The following CNTN5 variants were observed in gnomAD, a reference collection of about 807,000 sequenced individuals.
CNTN5 encodes contactin-5.
A neutral mutation model predicts 129.1 loss-of-function variants in CNTN5; 77 were observed. That is an observed-to-expected ratio of 0.60 (90% confidence interval 0.50 to 0.72). CNTN5 has a LOEUF of 0.72. CNTN5 is among the 30% of genes least tolerant of loss of function. The probability of loss-of-function intolerance (pLI) is 0.00; values close to 1 mark genes in which losing one functional copy is unlikely to be tolerated. For missense variants in CNTN5, 1,478 were observed against 1,328.8 expected, an observed-to-expected ratio of 1.11 and a Z score of -1.75; for synonymous variants, 509 against 465.6, an observed-to-expected ratio of 1.09 and a Z score of -1.20.
rs565568358 is a variant in CNTN5, at chr11:99,054,810, G to A, written c.-210+33540G>A. On this transcript the variant is annotated intron_variant, in intron 1 of 24. Coordinates refer to ENST00000524871, the MANE Select transcript of CNTN5 (RefSeq NM_014361.4). Reference sequence around the variant, plus strand: ...AGGCACCTTAAATCATTGATAAGTCGACTTGAATAATATGTTTTTCTAAAA... The same window carrying A: ...AGGCACCTTAAATCATTGATAAGTCAACTTGAATAATATGTTTTTCTAAAA... 5.9e-5 allele frequency among the ~76,000 whole-genome samples: 9 copies of A among 151,890 alleles called. No homozygotes were observed. In the South Asian group the frequency reaches 6.2e-4, roughly 10 times the overall value.
At chr11:99,372,565 C>T (rs2136135851) in intron 2 of CNTN5, among the ~76,000 whole-genome samples, 1 of 152,158 alleles carries the variant, frequency 6.6e-6, no homozygotes, top group Non-Finnish European at 1.5e-5. Context: ...TGTGTGAAAA[C>T]TCACCAGTGA....
In CNTN5 at chr11:100,196,482, T is replaced by C. The variant is rs541455950; in HGVS notation, c.1884+2819T>C. Among the ~76,000 whole-genome samples, 61 of 152,144 alleles carry C rather than the reference T, an allele frequency of 4.0e-4. No individual in the cohort carries two copies. In the Middle Eastern group the frequency reaches 0.02, roughly 51 times the overall value. On this transcript the variant is annotated intron_variant, in intron 15 of 24. Coordinates refer to ENST00000524871, the MANE Select transcript of CNTN5 (RefSeq NM_014361.4). The stretch of plus-strand genomic sequence containing the variant: ...CTTCATATACAATCTATATACAATG[T>C]ACATTGTATACATCCACATCTATAT...
chr11:99,336,293 T>A (rs1425688651), intron 2 of CNTN5, among the ~76,000 whole-genome samples: 1 of 152,170 alleles, frequency 6.6e-6, no homozygotes, highest in Non-Finnish European at 1.5e-5. Flanking sequence ...GGGTATAATT[T>A]GTGCACTCTG....
chr11:99,233,576 G>C (rs1861112063), intron 1 of CNTN5, among the ~76,000 whole-genome samples: 1 of 152,154 alleles, frequency 6.6e-6, no homozygotes, highest in Non-Finnish European at 1.5e-5. Context: ...ACAAAATATT[G>C]AGTTGGGTCA....
intron 1 of CNTN5, among the ~76,000 whole-genome samples, chr11:99,237,498 T>C (rs1362403261): frequency 6.6e-6 from 1 of 152,084 alleles, no homozygotes; most frequent in Non-Finnish European, 1.5e-5. Flanking sequence ...CCGGCCAACA[T>C]AGTGGAACCC....
intron 2 of CNTN5, among the ~76,000 whole-genome samples, chr11:99,451,570 T>C (rs1944302232): frequency 6.6e-6 from 1 of 152,262 alleles, no homozygotes; most frequent in South Asian, 2.1e-4. Flanking sequence ...TTCTTACTGA[T>C]AGTGGAAATT....
chr11:100,083,476 A>G (rs902207751), intron 13 of CNTN5, among the ~76,000 whole-genome samples: 2 of 152,102 alleles, frequency 1.3e-5, no homozygotes, highest in Non-Finnish European at 2.9e-5. Context: ...ACCAGGCCCC[A>G]TCTCCAACAC....
intron 2 of CNTN5, among the ~76,000 whole-genome samples, chr11:99,346,890 T>A (rs1370885237): frequency 6.6e-6 from 1 of 152,186 alleles, no homozygotes; most frequent in Admixed American, 6.5e-5. Context: ...TGCTACACCT[T>A]TATCTTGGAC....
intron 2 of CNTN5, among the ~76,000 whole-genome samples, chr11:99,339,367 G>A (rs1211791268): frequency 1.3e-5 from 2 of 152,116 alleles, no homozygotes; most frequent in East Asian, 1.9e-4. Flanking sequence ...TTTTGCTTTC[G>A]TTTTTCTGGG....
chr11:100,276,797 C>A (rs567689170), intron 18 of CNTN5, among the ~76,000 whole-genome samples: 3 of 152,074 alleles, frequency 2.0e-5, no homozygotes, highest in Admixed American at 2.0e-4. Flanking sequence ...AGCATCTATC[C>A]TTTGTGTTTC....
At chr11:100,176,148 T>A (rs2138428485) in intron 13 of CNTN5, among the ~76,000 whole-genome samples, 1 of 152,014 alleles carries the variant, frequency 6.6e-6, no homozygotes, top group South Asian at 2.1e-4. Context: ...ACCTCCCGAG[T>A]TGCTGGGATT....
intron 3 of CNTN5, among the ~76,000 whole-genome samples, chr11:99,594,813 C>T (rs1266039487): frequency 6.6e-6 from 1 of 152,202 alleles, no homozygotes; most frequent in African/African-American, 2.4e-5. Flanking sequence ...GTGTTTTCAT[C>T]TCATTCAGAA....
chr11:99,452,767 T>G (rs1468850628), intron 2 of CNTN5, among the ~76,000 whole-genome samples: 1 of 152,124 alleles, frequency 6.6e-6, no homozygotes, highest in Non-Finnish European at 1.5e-5. Context: ...TCCATAGCAG[T>G]ATCTGAATCA....
intron 1 of CNTN5, among the ~76,000 whole-genome samples, chr11:99,076,453 C>G (rs1865579329): frequency 6.6e-6 from 1 of 151,708 alleles, no homozygotes; most frequent in African/African-American, 2.4e-5. Flanking sequence ...ACCACAAATA[C>G]ACACACACAC....
chr11:99,846,608 T>C (rs1947707328), intron 6 of CNTN5, among the ~76,000 whole-genome samples: 1 of 152,024 alleles, frequency 6.6e-6, no homozygotes, highest in East Asian at 1.9e-4. Context: ...GTAATTGTAG[T>C]GGCTACATAA....
intron 7 of CNTN5, among the ~76,000 whole-genome samples, chr11:99,931,237 G>A (rs1165602744): frequency 6.6e-6 from 1 of 152,028 alleles, no homozygotes; most frequent in Non-Finnish European, 1.5e-5. Flanking sequence ...GTACTTAATT[G>A]TAATATATTT....
In CNTN5 at chr11:99,414,756, G is replaced by A. The variant is rs77225573; in HGVS notation, c.-71+89272G>A. Among the ~76,000 whole-genome samples, 13 of 152,220 alleles carry A rather than the reference G, an allele frequency of 8.5e-5. No homozygotes were observed. In the East Asian group the frequency reaches 2.5e-3, roughly 30 times the overall value. On this transcript the variant is annotated intron_variant, in intron 2 of 24. Transcript: ENST00000524871. ...CAGAGAAGAGTGCCCAAAATCCTGA[G>A]ACTAAAATAATCTTGCTATTCTGGA...
intron 2 of CNTN5, among the ~76,000 whole-genome samples, chr11:99,388,635 C>G (rs1304503541): frequency 6.6e-6 from 1 of 152,138 alleles, no homozygotes; most frequent in African/African-American, 2.4e-5. Flanking sequence ...AGTGTGGAAT[C>G]TACTGCCACA....
At chr11:99,753,149 G>T (rs1191581466) in intron 3 of CNTN5, among the ~76,000 whole-genome samples, 1 of 120,834 alleles carries the variant, frequency 8.3e-6, no homozygotes, top group African/African-American at 3.1e-5. Flanking sequence ...TTGAGATGGA[G>T]TCTCGCTTTG....
Sources: gnomAD v4.1 joint callset for allele counts (sites outside exome capture counted in the v4.1 genomes callset) on GRCh38, gnomAD v4.1.1 for gene constraint, MANE v1.5 for transcripts, NCBI Gene and HGNC (gene_info 2026-07-23, HGNC 2026-07-21) for gene names.